DLG2: variants seen among roughly 807,000 people sequenced by gnomAD.
DLG2 encodes the protein disks large homolog 2.
Under a neutral mutation model 132.5 loss-of-function variants are expected in DLG2, and 45 were observed. The observed-to-expected ratio is 0.34, with a 90% confidence interval of 0.27 to 0.44. The LOEUF (loss-of-function observed/expected upper bound fraction) is 0.44. Among genes scored for constraint, DLG2 ranks in the 20% least tolerant of loss-of-function variants. The pLI is 1.00. For synonymous variants in DLG2, 424 were observed against 419.6 expected (o/e 1.01, Z -0.13); for missense variants, 1,045 against 1,196.9 (o/e 0.87, Z 1.87).
In DLG2 at chr11:83,518,518, G is replaced by A. The variant is rs188600861; in HGVS notation, c.2193+14190C>T. Among the ~76,000 whole-genome samples, 11 of 152,170 alleles carry A rather than the reference G, an allele frequency of 7.2e-5. No individual in the cohort carries two copies. In the East Asian group the frequency reaches 1.4e-3, roughly 19 times the overall value. ...CTTCAGCGATGCCTCACCCTGCTTC[G>A]GCTCATGCTCGGTGCACTGCACCCG... On this transcript the variant is annotated intron_variant, in intron 21 of 27. Transcript: ENST00000376104.
chr11:84,954,799 G>A (rs980570066), intron 6 of DLG2, among the ~76,000 whole-genome samples: 2 of 151,992 alleles, frequency 1.3e-5, no homozygotes, highest in African/African-American at 2.4e-5. Context: ...TCTTCACTTC[G>A]ACTGTAATCA....
intron 7 of DLG2, among the ~76,000 whole-genome samples, chr11:84,370,581 G>A (rs1407697073): frequency 2.0e-5 from 3 of 152,150 alleles, no homozygotes; most frequent in Admixed American, 1.3e-4. Flanking sequence ...GTGTACAGTA[G>A]GGCCTCAGAA....
At chr11:84,813,497 T>A (rs1443535275) in intron 6 of DLG2, among the ~76,000 whole-genome samples, 2 of 152,024 alleles carry the variant, frequency 1.3e-5, no homozygotes, top group Non-Finnish European at 2.9e-5. Context: ...AGACCCAAAC[T>A]CATTCCACTA....
intron 7 of DLG2, among the ~76,000 whole-genome samples, chr11:84,468,425 T>A (rs36061959): frequency 6.6e-6 from 1 of 151,112 alleles, no homozygotes. Context: ...GAAACAACAG[T>A]AATCCTCCCT....
chr11:84,801,656 C>A (rs2075395076), intron 6 of DLG2, among the ~76,000 whole-genome samples: 1 of 152,266 alleles, frequency 6.6e-6, no homozygotes, highest in South Asian at 2.1e-4. Flanking sequence ...CAGATGAAAG[C>A]AAATCATGGG....
chr11:84,209,371 T>A (rs2154307671), intron 8 of DLG2, among the ~76,000 whole-genome samples: 1 of 152,142 alleles, frequency 6.6e-6, no homozygotes, highest in African/African-American at 2.4e-5. Context: ...ACATGACAAA[T>A]GAATGCAATG....
chr11:84,574,748 T>A (rs1236755439), intron 6 of DLG2, among the ~76,000 whole-genome samples: 1 of 152,190 alleles, frequency 6.6e-6, no homozygotes, highest in African/African-American at 2.4e-5. Flanking sequence ...GGCACCTCAA[T>A]TATAGAATAT....
intron 7 of DLG2, among the ~76,000 whole-genome samples, chr11:84,254,049 T>A (rs1259835698): frequency 6.6e-6 from 1 of 152,306 alleles, no homozygotes; most frequent in East Asian, 1.9e-4. Context: ...TTTTTAGTTT[T>A]GATGACATCT....
At chr11:83,665,563 G>C (rs1208233954) in intron 18 of DLG2, among the ~76,000 whole-genome samples, 1 of 152,146 alleles carries the variant, frequency 6.6e-6, no homozygotes. Context: ...TGTGATTCAA[G>C]GGTTAAGCAA....
chr11:84,383,325 C>T (rs1016088681), intron 7 of DLG2, among the ~76,000 whole-genome samples: 18 of 151,758 alleles, frequency 1.2e-4, no homozygotes, highest in Admixed American at 4.6e-4. Flanking sequence ...GCTAAGATGA[C>T]GCCTAATATT....
chr11:84,610,011 T>A (rs2099592570), intron 6 of DLG2, among the ~76,000 whole-genome samples: 1 of 152,160 alleles, frequency 6.6e-6, no homozygotes. Flanking sequence ...AAATTTATCT[T>A]ATGGCATACT....
chr11:84,400,745 G>A (rs564861631), intron 7 of DLG2, among the ~76,000 whole-genome samples: 3 of 151,998 alleles, frequency 2.0e-5, no homozygotes, highest in Non-Finnish European at 4.4e-5. Context: ...ATACAGACTA[G>A]ACAGCAGATT....
chr11:83,665,062 G>A (rs1372266672), intron 18 of DLG2, among the ~76,000 whole-genome samples: 2 of 152,164 alleles, frequency 1.3e-5, no homozygotes, highest in African/African-American at 4.8e-5. Flanking sequence ...TTAAAGTATT[G>A]TTAGGGAAGA....
chr11:85,387,676 T>G (rs753689252), intron 3 of DLG2, among the ~76,000 whole-genome samples: 1 of 152,210 alleles, frequency 6.6e-6, no homozygotes, highest in Non-Finnish European at 1.5e-5. Context: ...CTGACCACCA[T>G]GTGCAAAAGG....
At chr11:84,895,322 T>C (rs1354173468) in intron 6 of DLG2, among the ~76,000 whole-genome samples, 1 of 152,168 alleles carries the variant, frequency 6.6e-6, no homozygotes, top group Non-Finnish European at 1.5e-5. Flanking sequence ...ACAAATATGA[T>C]ACTAGGCACC....
At position 83,541,802 on chromosome 11, in the gene DLG2, C is replaced by G; in HGVS notation, c.1997G>C (p.Ser666Thr). The change falls in exon 20 of 28, where the codon AGT becomes ACT. Residue 666 changes from serine (S) to threonine (T), a missense_variant. Physicochemically the swap from Ser to Thr is moderately conservative, Grantham distance 58. Around this residue, in one of 4 missense-constraint regions of DLG2, gnomAD observed 398 missense variants for 543.6 expected, o/e 0.73. Transcript: ENST00000376104. ...GTGGAGAATATCTCCATATTTAAAA[C>G]TAAGTCCTTGACTTGGCAGCCCACT... ...KDSGLPSQGL[S>T]FKYGDILHVI... 2 of 1,613,290 alleles carry G rather than the reference C, an allele frequency of 1.2e-6. No homozygotes were observed. Among genetic ancestry groups the G allele is most frequent in the Non-Finnish European group, 1.7e-6 (2 of 1,179,520 alleles).
intron 4 of DLG2, among the ~76,000 whole-genome samples, chr11:85,207,853 A>G (rs1169839320): frequency 4.0e-5 from 6 of 151,638 alleles, no homozygotes; most frequent in Admixed American, 3.3e-4. Flanking sequence ...AGACTCTAAC[A>G]TAACTATTCC....
At chr11:84,640,289 C>A in intron 6 of DLG2, 1 of 336,064 alleles carries the variant, frequency 3.0e-6, no homozygotes, top group South Asian at 2.5e-5. Context: ...ACTTCCCTAT[C>A]AATGTCGTTA....
intron 7 of DLG2, among the ~76,000 whole-genome samples, chr11:84,430,229 A>G (rs1175885191): frequency 6.6e-6 from 1 of 152,130 alleles, no homozygotes; most frequent in African/African-American, 2.4e-5. Context: ...CAAGGTCAGG[A>G]GATCGAGACC....
Sources: gnomAD v4.1 joint callset for allele counts (sites outside exome capture counted in the v4.1 genomes callset) on GRCh38, gnomAD v4.1.1 for gene constraint, gnomAD v4.1.1 regional missense constraint, MANE v1.5 for transcripts, NCBI Gene and HGNC (gene_info 2026-07-23, HGNC 2026-07-21) for gene names.